PCED1B: variants seen among roughly 807,000 people sequenced by gnomAD.
The protein encoded by PCED1B is PC-esterase domain containing 1B, also known as PC-esterase domain-containing protein 1B.
For synonymous variants in PCED1B, 251 were observed against 246.1 expected (o/e 1.02, Z -0.19); for missense variants, 573 against 573.9 (o/e 1.00, Z 0.02).
At chr12:47,124,164 T>A (rs1939791077) in intron 2 of PCED1B, among the ~76,000 whole-genome samples, 2 of 152,074 alleles carry the variant, frequency 1.3e-5, no homozygotes, top group Non-Finnish European at 2.9e-5. Context: ...CTCATGTCCC[T>A]AACAGTCCCT....
intron 2 of PCED1B, among the ~76,000 whole-genome samples, chr12:47,148,631 A>G (rs1181523936): frequency 1.3e-5 from 2 of 152,234 alleles, no homozygotes; most frequent in Non-Finnish European, 2.9e-5. Context: ...GGAGAAAAAA[A>G]CAAAGGCCCA....
intron 2 of PCED1B, among the ~76,000 whole-genome samples, chr12:47,198,211 T>G (rs1236779246): frequency 6.6e-6 from 1 of 152,216 alleles, no homozygotes; most frequent in Admixed American, 6.5e-5. Context: ...AAAATGCTTT[T>G]TTTTCGAGGT....
At chr12:47,080,142 A>C (rs1941955073) in intron 1 of PCED1B, among the ~76,000 whole-genome samples, 1 of 151,614 alleles carries the variant, frequency 6.6e-6, no homozygotes, top group Non-Finnish European at 1.5e-5. Context: ...GGGAGGGGGC[A>C]GGGGTCCACA....
chr12:47,181,141 G>A (rs188852600), intron 2 of PCED1B, among the ~76,000 whole-genome samples: 143 of 151,782 alleles, frequency 9.4e-4, no homozygotes, highest in African/African-American at 3.4e-3. Flanking sequence ...TTGCTGCCAC[G>A]CCTGGCTCAT....
At chr12:47,141,608 C>G (rs1326044491) in intron 2 of PCED1B, among the ~76,000 whole-genome samples, 1 of 152,116 alleles carries the variant, frequency 6.6e-6, no homozygotes, top group Non-Finnish European at 1.5e-5. Flanking sequence ...AAGTCCTGCT[C>G]ACACAGGAAC....
intron 2 of PCED1B, among the ~76,000 whole-genome samples, chr12:47,115,517 C>T (rs1216190895): frequency 1.3e-5 from 2 of 152,130 alleles, no homozygotes; most frequent in East Asian, 1.9e-4. Context: ...CACTTTGATA[C>T]CTCCTCCCCT....
intron 2 of PCED1B, among the ~76,000 whole-genome samples, chr12:47,181,967 T>C (rs1396871465): frequency 6.6e-6 from 1 of 152,196 alleles, no homozygotes; most frequent in Non-Finnish European, 1.5e-5. Context: ...CTATTACTAA[T>C]GGAAAGGCTG....
At chr12:47,080,802 T>C (rs931839607) in intron 1 of PCED1B, among the ~76,000 whole-genome samples, 3 of 151,966 alleles carry the variant, frequency 2.0e-5, no homozygotes, top group Admixed American at 6.6e-5. Context: ...TCTCTCTCCC[T>C]CTCTCTCTCC....
intron 2 of PCED1B, among the ~76,000 whole-genome samples, chr12:47,150,395 G>A (rs1565568982): frequency 6.6e-6 from 1 of 151,904 alleles, no homozygotes; most frequent in Non-Finnish European, 1.5e-5. Flanking sequence ...CCAACATGGT[G>A]AAACCCTGTC....
intron 2 of PCED1B, among the ~76,000 whole-genome samples, chr12:47,203,340 G>T (rs1942824248): frequency 6.6e-6 from 1 of 151,890 alleles, no homozygotes; most frequent in Non-Finnish European, 1.5e-5. Flanking sequence ...ACATGTGCAG[G>T]TTGTGCAGTT....
At chr12:47,168,827 A>G (rs1218649308) in intron 2 of PCED1B, among the ~76,000 whole-genome samples, 1 of 152,042 alleles carries the variant, frequency 6.6e-6, no homozygotes, top group African/African-American at 2.4e-5. Context: ...AATTTTTGTC[A>G]TTCTTTTTTT....
At chr12:47,205,981 G>C (rs1330088757) in intron 2 of PCED1B, 1 of 152,218 alleles carries the variant, frequency 6.6e-6, no homozygotes, top group Non-Finnish European at 1.5e-5. Context: ...AATTTGGTGG[G>C]TTGGGGGAAG....
chr12:47,140,587 A>G (rs1392428008), intron 2 of PCED1B, among the ~76,000 whole-genome samples: 2 of 152,224 alleles, frequency 1.3e-5, no homozygotes, highest in Non-Finnish European at 2.9e-5. Flanking sequence ...ATTTTGACCC[A>G]CATAGAAAAC....
chr12:47,193,283 T>C (rs532309583), intron 2 of PCED1B, among the ~76,000 whole-genome samples: 2 of 152,334 alleles, frequency 1.3e-5, no homozygotes, highest in Admixed American at 1.3e-4. Flanking sequence ...GGATTTTGCA[T>C]TCCGGCATCT....
chr12:47,139,134 C>A (rs148647428), intron 2 of PCED1B, among the ~76,000 whole-genome samples: 1 of 152,044 alleles, frequency 6.6e-6, no homozygotes, highest in African/African-American at 2.4e-5. Context: ...TAGGTACTTA[C>A]GAAATATATG....
chr12:47,210,246 A>C (rs1439630766), intron 2 of PCED1B: 1 of 152,258 alleles, frequency 6.6e-6, no homozygotes, highest in Non-Finnish European at 1.5e-5. Flanking sequence ...ACCAACATAT[A>C]TCACTAAGAA....
intron 2 of PCED1B, among the ~76,000 whole-genome samples, chr12:47,205,132 T>C (rs1221187154): frequency 2.0e-5 from 3 of 152,028 alleles, no homozygotes; most frequent in Non-Finnish European, 4.4e-5. Context: ...GATAATTTGA[T>C]GGGTAGGGGG....
At chr12:47,111,658 A>AC (rs1939201923) in intron 2 of PCED1B, among the ~76,000 whole-genome samples, 1 of 151,854 alleles carries the variant, frequency 6.6e-6, no homozygotes, top group Non-Finnish European at 1.5e-5. Flanking sequence ...TCCTGTAGAT[A>AC]CCCCTTTTAA....
intron 1 of PCED1B, among the ~76,000 whole-genome samples, chr12:47,083,166 CAA>C (rs1565736593): frequency 6.6e-6 from 1 of 151,672 alleles, no homozygotes; most frequent in Non-Finnish European, 1.5e-5. Flanking sequence ...AGATATGAGA[CAA>C]GAAATTAATA....
Sources: gnomAD v4.1 joint callset for allele counts (sites outside exome capture counted in the v4.1 genomes callset) on GRCh38, gnomAD v4.1.1 for gene constraint, MANE v1.5 for transcripts, NCBI Gene and HGNC (gene_info 2026-07-23, HGNC 2026-07-21) for gene names.